The following LINC00632 variants were observed in gnomAD, a reference collection of about 807,000 sequenced individuals.
LINC00632 encodes the protein long independently transcribed non-coding RNA 632.
chrX:140,724,174 CACAG>C (rs939446587), intron 2 of LINC00632, among the ~76,000 whole-genome samples: 2 of 45,367 alleles, frequency 4.4e-5, no homozygotes, highest in Non-Finnish European at 9.5e-5. Flanking sequence ...CATACACATA[CACAG>C]ACACATTCTG....
At chrX:140,760,157 G>T (rs756599483) in intron 3 of LINC00632, among the ~76,000 whole-genome samples, 6 of 111,879 alleles carry the variant, frequency 5.4e-5, no homozygotes, top group Admixed American at 1.9e-4. Context: ...GTGGGAGCCT[G>T]GGGATTGCTC....
intron 2 of LINC00632, chrX:140,712,310 A>G (rs897528400): frequency 4.6e-5 from 5 of 107,935 alleles, no homozygotes; most frequent in African/African-American, 1.7e-4. Context: ...ATATGAAACC[A>G]CGGTTTCAGG....
chrX:140,767,797 T>C (rs764335124), intron 3 of LINC00632, among the ~76,000 whole-genome samples: 143 of 111,823 alleles, frequency 1.3e-3, no homozygotes, highest in African/African-American at 4.5e-3. Flanking sequence ...ACTGAGGGAC[T>C]GACAATTGGC....
At chrX:140,758,499 G>A (rs1204533482) in intron 3 of LINC00632, among the ~76,000 whole-genome samples, 7 of 107,252 alleles carry the variant, frequency 6.5e-5, no homozygotes, top group Admixed American at 6.1e-4. Flanking sequence ...CCAGCCTCCC[G>A]AGTAGCAGGG....
At chrX:140,784,276 C>T (rs761193821) in exon 5 of LINC00632, 5 of 1,204,301 alleles carry the variant, frequency 4.2e-6, no homozygotes, top group East Asian at 3.0e-5. Context: ...AACAAAGGTA[C>T]GTCTTCCAAC....
At chrX:140,763,490 G>C (rs1038237689) in intron 3 of LINC00632, among the ~76,000 whole-genome samples, 1 of 110,795 alleles carries the variant, frequency 9.0e-6, no homozygotes, top group Non-Finnish European at 1.9e-5. Flanking sequence ...GTGAATTTCA[G>C]TTAAAAAACT....
At chrX:140,713,189 T>A (rs111353095) in intron 2 of LINC00632, among the ~76,000 whole-genome samples, 11 of 103,189 alleles carry the variant, frequency 1.1e-4, no homozygotes, top group South Asian at 4.6e-4. Context: ...TTTTTTTTTT[T>A]AAATAAAGCT....
At chrX:140,765,780 C>T (rs1410508257) in intron 3 of LINC00632, among the ~76,000 whole-genome samples, 1 of 111,658 alleles carries the variant, frequency 9.0e-6, no homozygotes, top group Non-Finnish European at 1.9e-5. Flanking sequence ...GAATTGTTTG[C>T]TGCTATTACC....
chrX:140,788,913 ATG>A (rs72149065), exon 5 of LINC00632, among the ~76,000 whole-genome samples: 6,289 of 94,964 alleles, frequency 0.066, 499 homozygotes, highest in African/African-American at 0.21. Context: ...ATATATATAT[ATG>A]TGTGTGTGTG....
At chrX:140,713,766 C>T in intron 2 of LINC00632, 1 of 339,921 alleles carries the variant, frequency 2.9e-6, no homozygotes, top group South Asian at 2.6e-5. Context: ...CTCCCAGAGG[C>T]ACGTATGTAC....
intron 2 of LINC00632, among the ~76,000 whole-genome samples, chrX:140,723,314 C>G (rs1930768482): frequency 5.2e-5 from 2 of 38,190 alleles, no homozygotes; most frequent in African/African-American, 9.6e-5. Flanking sequence ...TCCATACACA[C>G]AGACACACAT....
At chrX:140,759,289 T>TTTCTTTCTTTCC (rs1358431074) in intron 3 of LINC00632, among the ~76,000 whole-genome samples, 1 of 79,603 alleles carries the variant, frequency 1.3e-5, no homozygotes, top group African/African-American at 5.1e-5. Context: ...TCTTTCTTTC[T>TTTCTTTCTTTCC]TTCCTTCCTT....
intron 3 of LINC00632, among the ~76,000 whole-genome samples, chrX:140,751,985 T>C (rs1405057510): frequency 9.0e-6 from 1 of 111,335 alleles, no homozygotes; most frequent in Non-Finnish European, 1.9e-5. Context: ...CATATCCCTC[T>C]CCCTTGATCC....
intron 3 of LINC00632, among the ~76,000 whole-genome samples, chrX:140,741,309 C>T (rs190954096): frequency 1.5e-4 from 17 of 112,234 alleles, no homozygotes; most frequent in African/African-American, 5.2e-4. Context: ...AGTGAGGCTG[C>T]TCTGACCCAT....
At chrX:140,742,839 TAGAGAGAGAGAGAGAG>T (rs3084215) in intron 3 of LINC00632, among the ~76,000 whole-genome samples, 16 of 46,898 alleles carry the variant, frequency 3.4e-4, no homozygotes, top group African/African-American at 4.0e-4. Context: ...TAGAAGGTGA[TAGAGAGAGAGAGAGAG>T]AGAGAGAGAG....
At chrX:140,750,746 A>G (rs1458821442) in intron 3 of LINC00632, among the ~76,000 whole-genome samples, 1 of 110,275 alleles carries the variant, frequency 9.1e-6, no homozygotes, top group Non-Finnish European at 1.9e-5. Context: ...ACTGTACCTA[A>G]TATGTAGTCT....
intron 2 of LINC00632, chrX:140,714,476 G>T (rs756801848): frequency 8.9e-6 from 1 of 111,951 alleles, no homozygotes; most frequent in Non-Finnish European, 1.9e-5. Flanking sequence ...ACACAAACTT[G>T]TCCTACAGTG....
chrX:140,789,699 G>A (rs1932078494), exon 5 of LINC00632, among the ~76,000 whole-genome samples: 1 of 111,565 alleles, frequency 9.0e-6, no homozygotes, highest in African/African-American at 3.2e-5. Context: ...CTAATAATTT[G>A]TAAAGTTAAG....
At chrX:140,727,292 A>G (rs1343924792) in intron 2 of LINC00632, among the ~76,000 whole-genome samples, 1 of 111,549 alleles carries the variant, frequency 9.0e-6, no homozygotes. Flanking sequence ...GTCACAATGA[A>G]CAATTATTAT....
Sources: allele counts gnomAD v4.1 joint callset (sites outside exome capture counted in the v4.1 genomes callset), GRCh38; gene constraint gnomAD v4.1.1; transcripts MANE v1.5; gene names NCBI Gene and HGNC (gene_info 2026-07-23, HGNC 2026-07-21).